The following HDGFL3 variants were observed in gnomAD, a reference collection of about 807,000 sequenced individuals.
HDGFL3 encodes HDGF like 3.
Under a neutral mutation model 27.6 loss-of-function variants are expected in HDGFL3, and 6 were observed. The observed-to-expected ratio is 0.22, with a 90% CI of 0.12 to 0.43. The LOEUF (loss-of-function observed/expected upper bound fraction) is 0.43, where lower values mean the gene tolerates loss of function less well. Among genes scored for constraint, HDGFL3 ranks in the 20% least tolerant of loss-of-function variants. The pLI is 1.00. For synonymous variants in HDGFL3, 88 were observed against 88.9 expected, an observed-to-expected ratio of 0.99 and a Z score of 0.05; for missense variants, 207 against 250.1, an observed-to-expected ratio of 0.83 and a Z score of 1.16.
At position 83,183,998 on chromosome 15, in the gene HDGFL3, G is replaced by C. The variant is rs373377332; in HGVS notation, c.85-19923C>G. 1.4e-4 allele frequency among the ~76,000 whole-genome samples: 22 copies of C among 152,176 alleles called. No homozygotes were observed. The East Asian group carries it at 3.9e-3, about 27-fold the overall frequency. ...GGAAAAGAATTCACTGCTTTACTCA[G>C]ATCTTCCAAGCCTTGCCTCTCCCAC... On this transcript the variant is annotated intron_variant, in intron 1 of 5. Transcript: ENST00000299633.
intron 3 of HDGFL3, among the ~76,000 whole-genome samples, chr15:83,116,152 C>T (rs1020079638): frequency 1.3e-5 from 2 of 152,222 alleles, no homozygotes; most frequent in Non-Finnish European, 2.9e-5. Flanking sequence ...CAACATTCAG[C>T]TCTCACGGCT....
In HDGFL3 at chr15:83,130,716, GTTAT is replaced by G. The variant is rs1182370642; in HGVS notation, c.*8550_*8553del. The G allele has an allele frequency of 1.3e-5, 2 of 152,198 alleles. No individual in the cohort carries two copies. Among genetic ancestry groups the G allele is most frequent in the African/African-American group, 4.8e-5 (2 of 41,450 alleles). 9.4% of individuals were successfully genotyped at this position (152,198 alleles called of 1,614,324 possible). ...AGATATGACCAGAATACTGAATTAC[GTTAT>G]TTGTTTTGTACTTAGCAAATACTCG... On this transcript the variant is annotated 3_prime_UTR_variant, in exon 6 of 6. Coordinates refer to ENST00000299633, the MANE Select transcript of HDGFL3 (RefSeq NM_016073.4).
intron 1 of HDGFL3, among the ~76,000 whole-genome samples, chr15:83,182,812 TG>T (rs2037396070): frequency 6.6e-6 from 1 of 152,154 alleles, no homozygotes; most frequent in African/African-American, 2.4e-5. Flanking sequence ...TATTTAGGGA[TG>T]AAGTAAATTA....
chr15:83,112,895 T>C lies in HDGFL3; in HGVS notation c.*2814A>G. On this transcript the variant is annotated 3_prime_UTR_variant, in exon 4 of 4. Transcript: ENST00000568294. ...AGAAAACCACCCCGGGACCCACTGT[T>C]CTATGGTACGTCTCCACAAAGGGAA... The C allele has an allele frequency of 6.2e-7, 1 of 1,611,978 alleles. No homozygotes were observed. Among genetic ancestry groups the C allele is most frequent in the East Asian group, 2.2e-5 (1 of 44,884 alleles).
At chr15:83,156,112 G>A (rs1352721211) in intron 4 of HDGFL3, among the ~76,000 whole-genome samples, 1 of 152,034 alleles carries the variant, frequency 6.6e-6, no homozygotes, top group East Asian at 1.9e-4. Context: ...TTCCCCCTTG[G>A]TCATGATTCT....
At chr15:83,163,380 A>T (rs2037124554) in intron 2 of HDGFL3, among the ~76,000 whole-genome samples, 1 of 152,182 alleles carries the variant, frequency 6.6e-6, no homozygotes, top group Admixed American at 6.5e-5. Context: ...GCGGTTAATG[A>T]CAGGACAAGA....
Position 83,129,057 on chromosome 15 carries a change from C to T in HDGFL3, c.*10213G>A, listed in dbSNP as rs1056164374. On this transcript the variant is annotated 3_prime_UTR_variant, in exon 6 of 6. Coordinates refer to ENST00000299633, the MANE Select transcript of HDGFL3 (RefSeq NM_016073.4). Reference sequence around the variant, plus strand: ...TGTTGCCCAGCTTATTCTCAAATGCCTGCTTCAAGTAATCCTCCTGCCTCA... The same window carrying T: ...TGTTGCCCAGCTTATTCTCAAATGCTTGCTTCAAGTAATCCTCCTGCCTCA... 6.6e-6 allele frequency: 1 copy of T among 152,184 alleles called. No homozygotes were observed. The highest frequency in any genetic ancestry group is 2.4e-5 in the African/African-American group (1 of 41,442). The allele number at this position is 152,184 out of a possible 1,614,324, so 9.4% of individuals were successfully genotyped here.
In HDGFL3 at chr15:83,136,360, T is replaced by G. The variant is rs1454338316; in HGVS notation, c.*2910A>C. 1 of 683,678 alleles carries G rather than the reference T, an allele frequency of 1.5e-6. No homozygotes were observed. The highest frequency in any genetic ancestry group is 2.3e-6 in the Non-Finnish European group (1 of 432,800). 42.4% of individuals were successfully genotyped at this position (683,678 alleles called of 1,614,324 possible). A position where few individuals can be genotyped will look rare whatever the true frequency, so the allele number is the denominator to read the frequency against. On this transcript the variant is annotated 3_prime_UTR_variant, in exon 6 of 6. Coordinates refer to ENST00000299633, the MANE Select transcript of HDGFL3 (RefSeq NM_016073.4). The stretch of plus-strand genomic sequence containing the variant: ...CTGGATTGTTTGAAGGTATTTTGCC[T>G]GCAGGTGAGACTGGTTTTGAGGGCA...
chr15:83,206,223 A>AT lies in HDGFL3; in HGVS notation c.84+1107dup, dbSNP rs537567970. Among the ~76,000 whole-genome samples, 405 of 151,482 alleles carry AT rather than the reference A, an allele frequency of 2.7e-3. 3 individuals are homozygous for AT. Among genetic ancestry groups the AT allele is most frequent in the African/African-American group, 5.7e-3 (237 of 41,276 alleles). On this transcript the variant is annotated intron_variant, in intron 1 of 5. Transcript: ENST00000299633. ...GTCACTTCCTTTTGTGAATGGGTGT[A>AT]TTTTTTTTTCTTGATCTTGCTATCT...
At chr15:83,186,164 G>A (rs1205011850) in intron 1 of HDGFL3, 1 of 152,252 alleles carries the variant, frequency 6.6e-6, no homozygotes, top group African/African-American at 2.4e-5. Context: ...GGTCGGCCAT[G>A]CCTGGATTCC....
chr15:83,126,624 G>A (rs2151375242), downstream of HDGFL3: 1 of 665,902 alleles, frequency 1.5e-6, no homozygotes, highest in Non-Finnish European at 2.6e-6. Flanking sequence ...TCATTGATGA[G>A]CCTCTACAAT....
At chr15:83,182,864 T>C (rs1476326177) in intron 1 of HDGFL3, among the ~76,000 whole-genome samples, 1 of 152,194 alleles carries the variant, frequency 6.6e-6, no homozygotes, top group Admixed American at 6.5e-5. Context: ...AAAAATAAGA[T>C]AGCTTGATGG....
chr15:83,139,943 C>G (rs2036734311), intron 5 of HDGFL3, among the ~76,000 whole-genome samples: 1 of 152,190 alleles, frequency 6.6e-6, no homozygotes, highest in Non-Finnish European at 1.5e-5. Flanking sequence ...GGTTCTATTT[C>G]CCCAAAAGGA....
chr15:83,126,944 G>C, downstream of HDGFL3: 2 of 941,732 alleles, frequency 2.1e-6, no homozygotes, highest in Non-Finnish European at 3.2e-6. Flanking sequence ...TGTAATCCCA[G>C]CACTTTGGGA....
rs773187208 is a variant in HDGFL3 at position 83,151,197 on chromosome 15, T to C, written c.606+18A>G. ...GTCTTCTAATAGAAGGTAAGAGAAA[T>C]TATAAGCACATCCTTACCCCTTCAC... is the stretch of plus-strand genomic sequence containing the variant. On this transcript the variant is annotated intron_variant, in intron 5 of 5. Coordinates refer to ENST00000299633, the MANE Select transcript of HDGFL3 (RefSeq NM_016073.4). 1 of 1,601,908 alleles carries C rather than the reference T, an allele frequency of 6.2e-7. No individual in the cohort carries two copies. Among genetic ancestry groups the C allele is most frequent in the African/African-American group, 1.3e-5 (1 of 74,182 alleles).
rs928254523 is a variant in HDGFL3 at position 83,135,070 on chromosome 15, A to G, written c.*4200T>C. 6.6e-6 allele frequency: 1 copy of G among 152,210 alleles called. No individual in the cohort carries two copies. The highest frequency in any genetic ancestry group is 2.4e-5 in the African/African-American group (1 of 41,440). The allele number at this position is 152,210 out of a possible 1,614,324, so 9.4% of individuals were successfully genotyped here. A position where few individuals can be genotyped will look rare whatever the true frequency, so the allele number is the denominator to read the frequency against. ...GTGCCTCATGGATCACAATGTAGAC[A>G]ATCCACGTGCTGGTCCTTGGCAATA... On this transcript the variant is annotated 3_prime_UTR_variant, in exon 6 of 6. Coordinates refer to ENST00000299633, the MANE Select transcript of HDGFL3 (RefSeq NM_016073.4).
At position 83,191,935 on chromosome 15, in the gene HDGFL3, C is replaced by CTTT. The variant is rs749998701; in HGVS notation, c.84+15393_84+15395dup. Among the ~76,000 whole-genome samples the CTTT allele has an allele frequency of 2.9e-3, 307 of 106,678 alleles. 1 individual carries two copies. The highest frequency in any genetic ancestry group is 3.5e-3 in the African/African-American group (94 of 26,836). 70.0% of individuals were successfully genotyped at this position (106,678 alleles called of 152,430 possible). ...TGCATCCTATTGTAACTTATCTCTCCTTTTTTTTTTTTTTTTTTTTTTTGA... is the reference window on the plus strand; with the variant it reads ...TGCATCCTATTGTAACTTATCTCTCCTTTTTTTTTTTTTTTTTTTTTTTTTTGA... On this transcript the variant is annotated intron_variant, in intron 1 of 5. Transcript: ENST00000299633.
chr15:83,207,285 G>A lies in HDGFL3; in HGVS notation c.84+46C>T. Reference sequence around the variant, plus strand: ...AGGGGGCGGGCGCGCCATCATGAAGGGGAAAATGGTGGGCGGGCGGGCCCG... The same window carrying A: ...AGGGGGCGGGCGCGCCATCATGAAGAGGAAAATGGTGGGCGGGCGGGCCCG... On this transcript the variant is annotated intron_variant, in intron 1 of 5. Transcript: ENST00000299633. This position sits in a 1 kb window ranked among gnomAD's most constrained non-coding sequence, Gnocchi z 4.8. 2 of 1,259,846 alleles carry A rather than the reference G, an allele frequency of 1.6e-6. No individual in the cohort carries two copies. Among genetic ancestry groups the A allele is most frequent in the South Asian group, 2.3e-5 (1 of 44,296 alleles). 78.0% of individuals were successfully genotyped at this position (1,259,846 alleles called of 1,614,324 possible).
chr15:83,122,842 T>C (rs1567145133), downstream of HDGFL3: 1 of 1,614,062 alleles, frequency 6.2e-7, no homozygotes, highest in East Asian at 2.2e-5. Context: ...TCAGAATCTA[T>C]AATCAGCCAT....
Sources: allele counts gnomAD v4.1 joint callset (sites outside exome capture counted in the v4.1 genomes callset), GRCh38; gene constraint gnomAD v4.1.1; non-coding constraint Gnocchi (gnomAD v3.1); transcripts MANE v1.5; gene names NCBI Gene and HGNC (gene_info 2026-07-23, HGNC 2026-07-21).